Variants in ANKFN1 observed in about 807,000 individuals in gnomAD.
ANKFN1 encodes ankyrin repeat and fibronectin type III domain containing 1.
ANKFN1 carries 74 observed loss-of-function variants against 108.7 expected under a neutral mutation model. The observed-to-expected ratio is 0.68, with a 90% CI of 0.56 to 0.83. The LOEUF (loss-of-function observed/expected upper bound fraction) is 0.83, where lower values mean the gene tolerates loss of function less well. Ranked by LOEUF, ANKFN1 falls within the 40% of genes least tolerant of loss-of-function variation. The probability of loss-of-function intolerance (pLI) is 0.00; values close to 1 mark genes in which losing one functional copy is unlikely to be tolerated. For missense variants in ANKFN1, 1,505 were observed against 1,382.3 expected, an observed-to-expected ratio of 1.09 and a Z score of -1.41; for synonymous variants, 547 against 516.2, an observed-to-expected ratio of 1.06 and a Z score of -0.81.
intron 3 of ANKFN1, among the ~76,000 whole-genome samples, chr17:56,278,962 A>T (rs1210017179): frequency 6.6e-6 from 1 of 152,210 alleles, no homozygotes; most frequent in African/African-American, 2.4e-5. Flanking sequence ...CTTCAAAATG[A>T]ACAGTGTCTG....
intron 4 of ANKFN1, among the ~76,000 whole-genome samples, chr17:56,064,161 C>T (rs1370871796): frequency 6.6e-6 from 1 of 152,158 alleles, no homozygotes; most frequent in African/African-American, 2.4e-5. Flanking sequence ...AGTAGAATCA[C>T]TTCCGTATAA....
At chr17:56,160,485 A>T (rs1481251256) in intron 1 of ANKFN1, among the ~76,000 whole-genome samples, 1 of 151,638 alleles carries the variant, frequency 6.6e-6, no homozygotes, top group African/African-American at 2.4e-5. Flanking sequence ...TTGCTATGGA[A>T]ACTTTAGGAG....
At chr17:56,323,850 A>G (rs1030372329) in intron 3 of ANKFN1, among the ~76,000 whole-genome samples, 1 of 152,212 alleles carries the variant, frequency 6.6e-6, no homozygotes, top group African/African-American at 2.4e-5. Context: ...CTCTTACAAT[A>G]TAATGGGGAT....
chr17:56,141,150 C>A (rs1240787540), intron 4 of ANKFN1, among the ~76,000 whole-genome samples: 1 of 152,194 alleles, frequency 6.6e-6, no homozygotes, highest in Admixed American at 6.5e-5. Context: ...GTGCTACAAT[C>A]CACCTCTCTT....
chr17:56,130,246 G>A (rs762502745), intron 4 of ANKFN1, among the ~76,000 whole-genome samples: 5 of 152,202 alleles, frequency 3.3e-5, no homozygotes, highest in Non-Finnish European at 7.3e-5. Flanking sequence ...GGCTGTTACA[G>A]TAGCTTCCTG....
chr17:56,139,000 A>G (rs766995616), intron 4 of ANKFN1, among the ~76,000 whole-genome samples: 10 of 152,166 alleles, frequency 6.6e-5, no homozygotes, highest in Non-Finnish European at 1.3e-4. Context: ...CCTCTTAACA[A>G]CCTTATTATT....
At chr17:56,445,404 T>C (rs1010826209) in intron 10 of ANKFN1, among the ~76,000 whole-genome samples, 4 of 152,260 alleles carry the variant, frequency 2.6e-5, no homozygotes, top group Non-Finnish European at 5.9e-5. Context: ...ATGACCAGAA[T>C]AGTTAGTTGT....
intron 3 of ANKFN1, among the ~76,000 whole-genome samples, chr17:56,282,641 G>A (rs2044113348): frequency 1.3e-5 from 2 of 152,146 alleles, no homozygotes; most frequent in South Asian, 4.2e-4. Context: ...CTGCATATTT[G>A]AAGTGATTAC....
chr17:56,091,141 T>C (rs149581422), intron 4 of ANKFN1, among the ~76,000 whole-genome samples: 1,921 of 151,186 alleles, frequency 0.013, 95 homozygotes, highest in African/African-American at 0.045. Flanking sequence ...ATAAGTAGAA[T>C]ATTCTGAATT....
At chr17:56,270,213 G>T (rs1301618666) in intron 3 of ANKFN1, among the ~76,000 whole-genome samples, 1 of 152,138 alleles carries the variant, frequency 6.6e-6, no homozygotes, top group Non-Finnish European at 1.5e-5. Context: ...GGACATTTTT[G>T]GTTAGCAGAG....
chr17:56,090,808 A>G (rs754364450), intron 4 of ANKFN1, among the ~76,000 whole-genome samples: 1 of 150,842 alleles, frequency 6.6e-6, no homozygotes, highest in East Asian at 1.9e-4. Context: ...GGCTCTCCCT[A>G]TGTTGCCTAG....
Position 56,456,401 on chromosome 17 carries a change from CTTTTTTTTTT to C in ANKFN1, c.1208-449_1208-440del, listed in dbSNP as rs397713657. Reference sequence around the variant, plus strand: ...AAGATACCAGAGCTTCTTTTTTTCTCTTTTTTTTTTTTTTTTTTTTGATACGGATTCTCGC... The same window carrying C: ...AAGATACCAGAGCTTCTTTTTTTCTCTTTTTTTTTTGATACGGATTCTCGC... On this transcript the variant is annotated intron_variant, in intron 11 of 20. Coordinates refer to ENST00000682825, the MANE Select transcript of ANKFN1 (RefSeq NM_001370326.1). Among the ~76,000 whole-genome samples, 26 of 115,482 alleles carry C rather than the reference CTTTTTTTTTT, an allele frequency of 2.3e-4. No homozygotes were observed. In the East Asian group the frequency reaches 4.6e-3, roughly 21 times the overall value. 75.8% of individuals were successfully genotyped at this position (115,482 alleles called of 152,430 possible). A position where few individuals can be genotyped will look rare whatever the true frequency, so the allele number is the denominator to read the frequency against.
intron 3 of ANKFN1, among the ~76,000 whole-genome samples, chr17:56,289,753 C>G (rs78493305): frequency 0.045 from 6,841 of 152,302 alleles, 525 homozygotes; most frequent in African/African-American, 0.16. Flanking sequence ...GCACTCTTCA[C>G]TCAATAGCAA....
At chr17:56,299,058 T>C (rs1409462131) in intron 3 of ANKFN1, among the ~76,000 whole-genome samples, 3 of 152,194 alleles carry the variant, frequency 2.0e-5, no homozygotes, top group African/African-American at 7.2e-5. Flanking sequence ...CTTTAATCAC[T>C]TTAGCACTGT....
At chr17:56,307,592 G>A (rs1598385573) in intron 3 of ANKFN1, among the ~76,000 whole-genome samples, 1 of 152,202 alleles carries the variant, frequency 6.6e-6, no homozygotes, top group African/African-American at 2.4e-5. Flanking sequence ...GTGCTGGAGA[G>A]GATGTGGAGA....
chr17:56,250,400 C>T (rs2043207755), intron 3 of ANKFN1, among the ~76,000 whole-genome samples: 1 of 152,212 alleles, frequency 6.6e-6, no homozygotes, highest in South Asian at 2.1e-4. Context: ...GCCATAGGCA[C>T]ACTAGGGGAA....
At chr17:56,443,906 T>C (rs1233365262) in intron 10 of ANKFN1, among the ~76,000 whole-genome samples, 1 of 152,234 alleles carries the variant, frequency 6.6e-6, no homozygotes, top group African/African-American at 2.4e-5. Flanking sequence ...ATATGTTTCT[T>C]GTGAGAGTAA....
intron 10 of ANKFN1, among the ~76,000 whole-genome samples, chr17:56,443,945 A>G (rs2049198306): frequency 6.6e-6 from 1 of 152,166 alleles, no homozygotes; most frequent in Non-Finnish European, 1.5e-5. Flanking sequence ...ATGGAACACA[A>G]TTTGCTATGT....
intron 1 of ANKFN1, among the ~76,000 whole-genome samples, chr17:56,189,468 C>G (rs1190308664): frequency 2.0e-5 from 3 of 152,044 alleles, no homozygotes; most frequent in African/African-American, 4.8e-5. Context: ...CCGCGCCCGG[C>G]CTGCCCTGAC....
Sources: gnomAD v4.1 joint callset for allele counts (sites outside exome capture counted in the v4.1 genomes callset) on GRCh38, gnomAD v4.1.1 for gene constraint, MANE v1.5 for transcripts, NCBI Gene and HGNC (gene_info 2026-07-23, HGNC 2026-07-21) for gene names.